Variants in TMEM132C observed in about 807,000 individuals in gnomAD.
TMEM132C encodes the protein protein phosphatase 1, regulatory subunit 152.
TMEM132C carries 29 observed loss-of-function variants against 61.4 expected under a neutral mutation model. The observed-to-expected ratio is 0.47, with a 90% CI of 0.35 to 0.64. The LOEUF (loss-of-function observed/expected upper bound fraction) is 0.64, where lower values mean the gene tolerates loss of function less well. TMEM132C is among the 30% of genes least tolerant of loss of function. TMEM132C has a pLI of 0.00. For synonymous variants in TMEM132C, 656 were observed against 633.1 expected (o/e 1.04, Z -0.54); for missense variants, 1,408 against 1,476.9 (o/e 0.95, Z 0.76).
intron 1 of TMEM132C, among the ~76,000 whole-genome samples, chr12:128,383,664 A>T: frequency 6.6e-6 from 1 of 152,208 alleles, no homozygotes; most frequent in African/African-American, 2.4e-5. Flanking sequence ...TTGTCTTTGT[A>T]GGGCAGGGGA....
At chr12:128,377,099 G>T (rs980663155) in intron 1 of TMEM132C, among the ~76,000 whole-genome samples, 1 of 151,436 alleles carries the variant, frequency 6.6e-6, no homozygotes, top group Admixed American at 6.6e-5. Flanking sequence ...TTGTCGCCCA[G>T]GCTGGAGTGC....
At chr12:128,442,061 G>A (rs1869815539) in intron 2 of TMEM132C, among the ~76,000 whole-genome samples, 1 of 152,186 alleles carries the variant, frequency 6.6e-6, no homozygotes, top group African/African-American at 2.4e-5. Flanking sequence ...GGCTCACCCT[G>A]GCTCAGCTTT....
rs11059671 is a variant in TMEM132C, at chr12:128,381,760, C to T, written c.86-32972C>T. ...CAGCTTTGAGGGGGACGGCATCTGG[C>T]GGCTTGAAAGAGTGCCAGTGGCAAG... On this transcript the variant is annotated intron_variant, in intron 1 of 8. Transcript: ENST00000435159. Among the ~76,000 whole-genome samples, 1,512 of 152,272 alleles carry T rather than the reference C, an allele frequency of 9.9e-3. 48 individuals are homozygous for T. The highest frequency in any genetic ancestry group is 0.086 in the East Asian group (442 of 5,162).
intron 4 of TMEM132C, among the ~76,000 whole-genome samples, chr12:128,667,014 G>T (rs935561737): frequency 1.8e-4 from 27 of 152,342 alleles, no homozygotes; most frequent in Middle Eastern, 3.4e-3. Context: ...AGCTTGCAGT[G>T]AGCCGAGGTC....
Position 128,429,339 on chromosome 12 carries a change from C to T in TMEM132C, c.974+13719C>T, listed in dbSNP as rs115998547. 2.2e-3 allele frequency among the ~76,000 whole-genome samples: 329 copies of T among 152,258 alleles called. 1 individual carries two copies. The highest frequency in any genetic ancestry group is 0.01 in the Middle Eastern group (3 of 294). ...ATCCCAAATGCCAGTCAACGTGCAG[C>T]GATGGAGAAACCCTGAGATGAATAA... On this transcript the variant is annotated intron_variant, in intron 2 of 8. Coordinates refer to ENST00000435159, the MANE Select transcript of TMEM132C (RefSeq NM_001136103.3).
intron 2 of TMEM132C, among the ~76,000 whole-genome samples, chr12:128,521,976 C>T (rs1321121881): frequency 2.0e-5 from 3 of 152,134 alleles, no homozygotes; most frequent in Non-Finnish European, 4.4e-5. Flanking sequence ...TTATTGTCCT[C>T]ACATGTAGCT....
chr12:128,578,388 G>A (rs956566751), intron 3 of TMEM132C, among the ~76,000 whole-genome samples: 3 of 152,110 alleles, frequency 2.0e-5, no homozygotes, highest in Non-Finnish European at 4.4e-5. Context: ...CTCCGTCTGA[G>A]CTCCCCGGGT....
At chr12:128,495,995 G>GCTT (rs1257359313) in intron 2 of TMEM132C, among the ~76,000 whole-genome samples, 1 of 152,088 alleles carries the variant, frequency 6.6e-6, no homozygotes, top group Non-Finnish European at 1.5e-5. Context: ...CATGTTTAGT[G>GCTT]CTTCCTTCAG....
At chr12:128,355,727 C>CGTCT (rs1324181911) in intron 1 of TMEM132C, among the ~76,000 whole-genome samples, 1 of 152,100 alleles carries the variant, frequency 6.6e-6, no homozygotes, top group Non-Finnish European at 1.5e-5. Flanking sequence ...GTCCCTTAGA[C>CGTCT]GCTCAGGCAA....
Position 128,630,552 on chromosome 12 carries a change from G to T in TMEM132C, c.1305+14217G>T, listed in dbSNP as rs1206174299. On this transcript the variant is annotated intron_variant, in intron 4 of 8. Transcript: ENST00000435159. This position sits in a 1 kb window ranked among gnomAD's most constrained non-coding sequence, Gnocchi z 4.3. ...CCTCTGAGCTTTCCCCACTCCCTTT[G>T]CAGTCTCATCTCTGCCAGACACGAT... 6.6e-6 allele frequency among the ~76,000 whole-genome samples: 1 copy of T among 152,046 alleles called. No homozygotes were observed. Among genetic ancestry groups the T allele is most frequent in the African/African-American group, 2.4e-5 (1 of 41,404 alleles).
At chr12:128,649,399 C>G (rs942343277) in intron 4 of TMEM132C, among the ~76,000 whole-genome samples, 2 of 152,182 alleles carry the variant, frequency 1.3e-5, no homozygotes. Context: ...CATTTGCACT[C>G]GTATTTTATT....
intron 1 of TMEM132C, among the ~76,000 whole-genome samples, chr12:128,269,518 A>T (rs996400881): frequency 1.4e-4 from 21 of 152,120 alleles, no homozygotes; most frequent in Non-Finnish European, 2.1e-4. Context: ...AAAGTGCTGA[A>T]AACTAGGGAC....
At chr12:128,516,756 AT>A (rs1872732436) in intron 2 of TMEM132C, among the ~76,000 whole-genome samples, 1 of 152,042 alleles carries the variant, frequency 6.6e-6, no homozygotes, top group African/African-American at 2.4e-5. Context: ...TACAAAAAAA[AT>A]TTTTAAATTA....
At chr12:128,597,269 C>T (rs1395224007) in intron 3 of TMEM132C, among the ~76,000 whole-genome samples, 1 of 151,972 alleles carries the variant, frequency 6.6e-6, no homozygotes, top group Non-Finnish European at 1.5e-5. Context: ...CACTTGAGGT[C>T]AGGAGTTTGA....
At chr12:128,347,393 G>A (rs1209027995) in intron 1 of TMEM132C, among the ~76,000 whole-genome samples, 2 of 116,708 alleles carry the variant, frequency 1.7e-5, no homozygotes, top group Admixed American at 8.9e-5. Context: ...GCATGCATAT[G>A]TATGTCTCTC....
rs570311087 is a variant in TMEM132C at position 128,496,197 on chromosome 12, G to A, written c.975-47760G>A. Among the ~76,000 whole-genome samples the A allele has an allele frequency of 1.2e-4, 19 of 152,336 alleles. No individual in the cohort carries two copies. The South Asian group carries it at 3.9e-3, about 32-fold the overall frequency. On this transcript the variant is annotated intron_variant, in intron 2 of 8. Transcript: ENST00000435159. ...CTGGCTTGTAGAGTTTCTGCTGAGAGATCCACTGTTAGTCTGATGAGCTTC... is the reference window on the plus strand; with the variant it reads ...CTGGCTTGTAGAGTTTCTGCTGAGAAATCCACTGTTAGTCTGATGAGCTTC...
chr12:128,677,276 T>G (rs973363288), intron 5 of TMEM132C, among the ~76,000 whole-genome samples: 5 of 152,150 alleles, frequency 3.3e-5, no homozygotes, highest in Non-Finnish European at 5.9e-5. Context: ...GACAATCTAT[T>G]AAACACAGAT....
chr12:128,667,867 T>C (rs1374755904), intron 4 of TMEM132C, among the ~76,000 whole-genome samples: 1 of 152,262 alleles, frequency 6.6e-6, no homozygotes, highest in African/African-American at 2.4e-5. Flanking sequence ...CTAATAGTTT[T>C]GCGTGAAGTC....
chr12:128,566,189 C>CAAACAAAAAA (rs1874693932), intron 3 of TMEM132C, among the ~76,000 whole-genome samples: 1 of 67,858 alleles, frequency 1.5e-5, no homozygotes, highest in African/African-American at 5.0e-5. Flanking sequence ...CAAGCCTAAC[C>CAAACAAAAAA]AAAAAAAAAA....
Sources: allele counts gnomAD v4.1 joint callset (sites outside exome capture counted in the v4.1 genomes callset), GRCh38; gene constraint gnomAD v4.1.1; non-coding constraint Gnocchi (gnomAD v3.1); transcripts MANE v1.5; gene names NCBI Gene and HGNC (gene_info 2026-07-23, HGNC 2026-07-21).